Variants in FZD6 observed in about 807,000 individuals in gnomAD.
The protein encoded by FZD6 is frizzled class receptor 6, also known as frizzled-6.
Under a neutral mutation model 61.4 loss-of-function variants are expected in FZD6, and 49 were observed. The ratio of observed to expected loss-of-function variants is 0.80; its 90% CI spans 0.63 to 1.01. FZD6 has a LOEUF of 1.01. FZD6 is among the 50% of genes least tolerant of loss of function. FZD6 has a pLI of 0.00. For missense variants in FZD6, 724 were observed against 848.2 expected, an observed-to-expected ratio of 0.85 and a Z score of 1.82; for synonymous variants, 265 against 292.2, an observed-to-expected ratio of 0.91 and a Z score of 0.95.
rs775573797 is a variant in FZD6 at position 103,324,711 on chromosome 8, T to G, written c.605T>G (p.Ile202Ser). ...SDELEFAKSF[I>S]GTVSIFCLCA... Reference sequence around the variant, plus strand: ...GAGCTAGAGTTTGCAAAAAGTTTTATTGGAACAGTTTCAATATTTTGTCTT... The same window carrying G: ...GAGCTAGAGTTTGCAAAAAGTTTTAGTGGAACAGTTTCAATATTTTGTCTT... Residue 202 changes from isoleucine (I) to serine (S), a missense_variant, in exon 4 of 7, where the codon ATT becomes AGT. Ile to Ser is a moderately radical substitution (Grantham distance 142). Coordinates refer to ENST00000358755, the MANE Select transcript of FZD6 (RefSeq NM_003506.4). 3 of 1,614,132 alleles carry G rather than the reference T, an allele frequency of 1.9e-6. No homozygotes were observed. In the South Asian group the frequency reaches 3.3e-5, roughly 18 times the overall value.
At chr8:103,308,896 C>A (rs919873707) in intron 2 of FZD6, among the ~76,000 whole-genome samples, 4 of 152,142 alleles carry the variant, frequency 2.6e-5, no homozygotes, top group Non-Finnish European at 5.9e-5. Context: ...GGGTTAATCT[C>A]CTCATCTGCA....
chr8:103,299,899 C>A, intron 1 of FZD6, 57 bp from the exon 2 acceptor site: 1 of 527,946 alleles, frequency 1.9e-6, no homozygotes, highest in Non-Finnish European at 3.4e-6. Flanking sequence ...TGCACTTTGA[C>A]TCCACATTTG....
intron 3 of FZD6, among the ~76,000 whole-genome samples, chr8:103,319,114 C>G (rs1814711434): frequency 6.6e-6 from 1 of 152,030 alleles, no homozygotes; most frequent in Non-Finnish European, 1.5e-5. Context: ...TACCTTTGAC[C>G]TAAACTGGGG....
Position 103,325,715 on chromosome 8 carries a change from A to G in FZD6, c.1392+217A>G, listed in dbSNP as rs376619348. Reference sequence around the variant, plus strand: ...AGTTGTATAGTAAAGCACTTCCTTTATTCTCTGAAAAATTAAATTGAGCTG... The same window carrying G: ...AGTTGTATAGTAAAGCACTTCCTTTGTTCTCTGAAAAATTAAATTGAGCTG... On this transcript the variant is annotated intron_variant, in intron 4 of 6. Coordinates refer to ENST00000358755, the MANE Select transcript of FZD6 (RefSeq NM_003506.4). Among the ~76,000 whole-genome samples, 11 of 152,240 alleles carry G rather than the reference A, an allele frequency of 7.2e-5. No homozygotes were observed. In the East Asian group the frequency reaches 1.9e-3, roughly 27 times the overall value.
At chr8:103,319,361 G>C (rs1029367858) in intron 3 of FZD6, among the ~76,000 whole-genome samples, 2 of 152,144 alleles carry the variant, frequency 1.3e-5, no homozygotes, top group African/African-American at 4.8e-5. Context: ...GAAAGAGAGA[G>C]AAGCAGCAGT....
In FZD6 at chr8:103,332,120, C is replaced by CA. The variant is rs1357690412; in HGVS notation, c.*611_*612insA. 4 of 152,686 alleles carry CA rather than the reference C, an allele frequency of 2.6e-5. No individual in the cohort carries two copies. In the East Asian group the frequency reaches 7.7e-4, roughly 29 times the overall value. 9.5% of individuals were successfully genotyped at this position (152,686 alleles called of 1,614,324 possible). On this transcript the variant is annotated 3_prime_UTR_variant, in exon 7 of 7. Coordinates refer to ENST00000358755, the MANE Select transcript of FZD6 (RefSeq NM_003506.4). ...TAAAAACCCACTTATTGATACCTTACCATCTAAAATGTGTGATTTTTATAG... is the reference window on the plus strand; with the variant it reads ...TAAAAACCCACTTATTGATACCTTACACATCTAAAATGTGTGATTTTTATAG...
In FZD6 at chr8:103,324,579, G is replaced by T. The variant is rs1563692260; in HGVS notation, c.473G>T (p.Gly158Val). Residue 158 changes from glycine (G) to valine (V), a missense_variant, in exon 4 of 7, where the codon GGA (glycine) becomes GTA (valine). Physicochemically the swap from Gly to Val is moderately radical, Grantham distance 109. Coordinates refer to ENST00000358755, the MANE Select transcript of FZD6 (RefSeq NM_003506.4). ...ACAGAACAAGTCCAAAGAGACATTG[G>T]ATTTTGGTGTCCAAGGCATCTTAAG... Reference protein sequence around the residue: ...KKTEQVQRDIGFWCPRHLKTS... With the variant: ...KKTEQVQRDIVFWCPRHLKTS... The T allele has an allele frequency of 1.9e-6, 3 of 1,613,898 alleles. No homozygotes were observed. Among genetic ancestry groups the T allele is most frequent in the Middle Eastern group, 1.7e-4 (1 of 6,060 alleles).
intron 2 of FZD6, 48 bp downstream of exon 2, chr8:103,300,332 C>G (rs539738840): frequency 5.1e-6 from 6 of 1,180,814 alleles, no homozygotes; most frequent in South Asian, 2.4e-5. Context: ...ATGCTCTGTT[C>G]TAGAATAAAC....
Position 103,324,611 on chromosome 8 carries a change from G to C in FZD6, c.505G>C (p.Gly169Arg), listed in dbSNP as rs529849844. ...FWCPRHLKTS[G>R]GQGYKFLGID... ...GTGTCCAAGGCATCTTAAGACTTCT[G>C]GGGGACAAGGATATAAGTTTCTGGG... Residue 169 changes from glycine to arginine, a missense_variant, in exon 4 of 7, where the codon GGG becomes CGG. Transcript: ENST00000358755. 2 of 1,614,088 alleles carry C rather than the reference G, an allele frequency of 1.2e-6. No individual in the cohort carries two copies. The highest frequency in any genetic ancestry group is 3.3e-5 in the Admixed American group (2 of 60,006).
In FZD6 at chr8:103,328,315, C is replaced by G. The variant is rs149021436; in HGVS notation, c.1440C>G (p.Tyr480Ter). The change falls in exon 5 of 7, where the codon TAC (tyrosine) becomes TAG (stop). Residue 480 changes from tyrosine to a stop codon, truncating the protein, a stop_gained. Coordinates refer to ENST00000358755, the MANE Select transcript of FZD6 (RefSeq NM_003506.4). LOFTEE classifies it high-confidence loss of function. ...RPELALFMIK[Y>*]LMTLIVGISA... ...AATTGGCTTTATTTATGATAAAATA[C>G]CTGATGACATTAATTGTTGGCATCT... 1.6e-5 allele frequency: 26 copies of G among 1,609,842 alleles called. No homozygotes were observed. The highest frequency in any genetic ancestry group is 2.2e-5 in the Non-Finnish European group (26 of 1,176,276).
chr8:103,317,676 AT>A (rs1292523499), intron 2 of FZD6, among the ~76,000 whole-genome samples: 1 of 152,090 alleles, frequency 6.6e-6, no homozygotes, highest in Non-Finnish European at 1.5e-5. Context: ...AAATACAAAA[AT>A]TAGCCGGGCG....
At chr8:103,329,598 C>T in intron 5 of FZD6, 57 bp from the exon 6 acceptor site, 1 of 1,318,228 alleles carries the variant, frequency 7.6e-7, no homozygotes, top group Non-Finnish European at 1.1e-6. Flanking sequence ...TTTATATCCT[C>T]TACTTTATAG....
intron 2 of FZD6, among the ~76,000 whole-genome samples, chr8:103,310,232 A>G (rs1052392817): frequency 1.3e-5 from 2 of 151,682 alleles, no homozygotes; most frequent in African/African-American, 2.4e-5. Flanking sequence ...TTGGTTTTCA[A>G]CTCCTTGAGC....
chr8:103,317,802 G>A (rs1369727300), intron 2 of FZD6, among the ~76,000 whole-genome samples: 1 of 144,378 alleles, frequency 6.9e-6, no homozygotes, highest in Non-Finnish European at 1.5e-5. Context: ...CTCCAGCCTG[G>A]GCAACAGAGC....
In FZD6 at chr8:103,299,983, A is replaced by G; in HGVS notation, c.-125A>G. ...ATTGACCCAGGACTCATTTTCAGGA[A>G]AGCCTGAAAATGAGTAAAATAGTGA... On this transcript the variant is annotated 5_prime_UTR_variant, in exon 2 of 7. Transcript: ENST00000358755. 1.4e-6 allele frequency: 1 copy of G among 699,108 alleles called. No individual in the cohort carries two copies. Among genetic ancestry groups the G allele is most frequent in the Non-Finnish European group, 2.6e-6 (1 of 386,636 alleles). 43.3% of individuals were successfully genotyped at this position (699,108 alleles called of 1,614,324 possible). A position where few individuals can be genotyped will look rare whatever the true frequency, so the allele number is the denominator to read the frequency against.
chr8:103,324,856 T>G lies in FZD6; in HGVS notation c.750T>G (p.Ile250Met), dbSNP rs1161041099. The change falls in exon 4 of 7, where the codon ATT becomes ATG. Residue 250 changes from isoleucine to methionine, a missense_variant. Transcript: ENST00000358755. ...CYSIVSLMYF[I>M]GFLLGDSTAC... The stretch of plus-strand genomic sequence containing the variant: ...GCATTGTATCTCTTATGTACTTCAT[T>G]GGATTTTTGCTAGGCGATAGCACAG... The G allele has an allele frequency of 1.2e-6, 2 of 1,614,054 alleles. No homozygotes were observed. Among genetic ancestry groups the G allele is most frequent in the Admixed American group, 3.3e-5 (2 of 60,000 alleles).
Position 103,318,662 on chromosome 8 carries a change from A to G in FZD6, c.250A>G (p.Thr84Ala). ...ETFLCKAFVP[T>A]CIEQIHVVPP... is the part of the protein sequence containing the mutation. ...TTTCCTCTGCAAAGCATTTGTACCA[A>G]CCTGCATAGAACAAATTCATGTGGT... Residue 84 changes from threonine to alanine, a missense_variant, in exon 3 of 7, where the codon ACC (threonine) becomes GCC (alanine). Physicochemically the swap from Thr to Ala is moderately conservative, Grantham distance 58. Transcript: ENST00000358755. 2.5e-6 allele frequency: 4 copies of G among 1,607,940 alleles called. No individual in the cohort carries two copies. The highest frequency in any genetic ancestry group is 2.2e-5 in the East Asian group (1 of 44,836).
Position 103,325,270 on chromosome 8 carries a change from T to C in FZD6, c.1164T>C (p.Ala388=). The C allele has an allele frequency of 3.1e-6, 5 of 1,614,194 alleles. No individual in the cohort carries two copies. The highest frequency in any genetic ancestry group is 4.2e-6 in the Non-Finnish European group (5 of 1,179,982). ...TTGTTGGGCTCTCTCTTCTTTTAGC[T>C]GGCATTATTTCCTTAAATCATGTTC... ...CVFVGLSLLL[A]GIISLNHVRQ... The change falls in exon 4 of 7, where the codon GCT becomes GCC. Residue 388 remains alanine (A), a synonymous_variant. Transcript: ENST00000358755.
intron 2 of FZD6, among the ~76,000 whole-genome samples, chr8:103,310,303 TC>T: frequency 7.0e-6 from 1 of 143,514 alleles, no homozygotes; most frequent in Non-Finnish European, 1.6e-5. Flanking sequence ...AGGGTCTCAC[TC>T]TGTTGCCTGG....
Sources: gnomAD v4.1 joint callset for allele counts (sites outside exome capture counted in the v4.1 genomes callset) on GRCh38, gnomAD v4.1.1 for gene constraint, MANE v1.5 for transcripts, NCBI Gene and HGNC (gene_info 2026-07-23, HGNC 2026-07-21) for gene names.